Variants in FRMPD2 observed in about 807,000 individuals in gnomAD.
FRMPD2 encodes the protein FERM and PDZ domain containing 2.
FRMPD2 carries 96 observed loss-of-function variants against 140.1 expected under a neutral mutation model. The ratio of observed to expected loss-of-function variants is 0.69; its 90% confidence interval spans 0.58 to 0.81. FRMPD2 has a LOEUF of 0.81. Ranked by LOEUF, FRMPD2 falls within the 40% of genes least tolerant of loss-of-function variation. The pLI is 0.00. For missense variants in FRMPD2, 1,240 were observed against 1,447.4 expected (o/e 0.86, Z 2.32); for synonymous variants, 449 against 547.6 (o/e 0.82, Z 2.52).
chr10:48,178,660 G>A (rs1456384103), intron 21 of FRMPD2, among the ~76,000 whole-genome samples: 1 of 152,302 alleles, frequency 6.6e-6, no homozygotes, highest in East Asian at 1.9e-4. Context: ...CAGCATCTGG[G>A]TTGGGTCCTA....
At chr10:48,269,521 CG>C (rs1365783851) in intron 1 of FRMPD2, among the ~76,000 whole-genome samples, 4 of 152,158 alleles carry the variant, frequency 2.6e-5, no homozygotes, top group African/African-American at 9.7e-5. Context: ...TCCCCCTTCA[CG>C]GAGAGCATAG....
chr10:48,239,762 A>C, intron 6 of FRMPD2, 70 bp from the exon 7 acceptor site: 15 of 1,137,784 alleles, frequency 1.3e-5, no homozygotes, highest in Non-Finnish European at 2.0e-5. Context: ...CAGGCATCTC[A>C]GAGCATGAAT....
At chr10:48,240,280 A>T in intron 6 of FRMPD2, 80 bp downstream of exon 6, 1 of 1,453,112 alleles carries the variant, frequency 6.9e-7, no homozygotes. Flanking sequence ...CACAATGTGG[A>T]TGTGTAGCCC....
At chr10:48,245,151 T>C (rs1840214595) in intron 3 of FRMPD2, among the ~76,000 whole-genome samples, 1 of 152,206 alleles carries the variant, frequency 6.6e-6, no homozygotes, top group African/African-American at 2.4e-5. Flanking sequence ...GCCCCACACT[T>C]TCCCCTTTGT....
At chr10:48,272,564 G>A (rs1300184195) in intron 1 of FRMPD2, among the ~76,000 whole-genome samples, 1 of 152,200 alleles carries the variant, frequency 6.6e-6, no homozygotes, top group East Asian at 1.9e-4. Context: ...CCACCTTTGT[G>A]TTCAGCGATA....
intron 23 of FRMPD2, among the ~76,000 whole-genome samples, 176 bp downstream of exon 23, chr10:48,175,670 G>A (rs1588806154): frequency 6.6e-6 from 1 of 151,928 alleles, no homozygotes; most frequent in East Asian, 1.9e-4. Flanking sequence ...CAAATGGGCA[G>A]GGCAGGTTCT....
intron 13 of FRMPD2, among the ~76,000 whole-genome samples, chr10:48,209,345 G>A (rs74133710): frequency 0.044 from 6,755 of 152,254 alleles, 496 homozygotes; most frequent in African/African-American, 0.15. Flanking sequence ...CCTTAAACAG[G>A]TTATTCTGAG....
chr10:48,271,715 G>A (rs1056266303), intron 1 of FRMPD2, among the ~76,000 whole-genome samples: 1 of 152,212 alleles, frequency 6.6e-6, no homozygotes, highest in Non-Finnish European at 1.5e-5. Context: ...AATCAGCCTC[G>A]AAAGCAGACT....
chr10:48,249,289 G>T, intron 2 of FRMPD2, 111 bp from the exon 3 acceptor site: 1 of 963,858 alleles, frequency 1.0e-6, no homozygotes, highest in Non-Finnish European at 1.6e-6. Flanking sequence ...GACTGAATGT[G>T]AGCAAGACCC....
At chr10:48,232,015 G>T in intron 10 of FRMPD2, 100 bp downstream of exon 10, 2 of 1,093,066 alleles carry the variant, frequency 1.8e-6, no homozygotes, top group Non-Finnish European at 2.8e-6. Flanking sequence ...AGGCACCCAA[G>T]TCTCAAACAG....
intron 15 of FRMPD2, among the ~76,000 whole-genome samples, chr10:48,193,909 T>TGA (rs1838896396): frequency 6.6e-6 from 1 of 152,188 alleles, no homozygotes. Context: ...AAAGCCAGCC[T>TGA]TTTAAAAAAA....
intron 13 of FRMPD2, among the ~76,000 whole-genome samples, chr10:48,207,572 G>A (rs74133709): frequency 3.9e-5 from 6 of 152,244 alleles, no homozygotes; most frequent in African/African-American, 2.4e-5. Context: ...TTGGAGCTGG[G>A]GACTGCGTTA....
chr10:48,188,522 A>G (rs1389847169), intron 16 of FRMPD2, among the ~76,000 whole-genome samples: 2 of 152,214 alleles, frequency 1.3e-5, no homozygotes, highest in East Asian at 3.9e-4. Context: ...CACTGAGGGT[A>G]AAGGGTGGGT....
chr10:48,234,009 C>T (rs1839910721), intron 9 of FRMPD2, among the ~76,000 whole-genome samples: 2 of 152,250 alleles, frequency 1.3e-5, no homozygotes, highest in Admixed American at 6.5e-5. Flanking sequence ...AGCATCTCAC[C>T]CACCCAGCTC....
chr10:48,161,085 G>C (rs1337637368), intron 28 of FRMPD2, among the ~76,000 whole-genome samples: 1 of 151,036 alleles, frequency 6.6e-6, no homozygotes, highest in Non-Finnish European at 1.5e-5. Context: ...GGTGCGGTTG[G>C]CCATTGAGAG....
chr10:48,210,229 G>A (rs938490340), intron 13 of FRMPD2, among the ~76,000 whole-genome samples: 83 of 152,294 alleles, frequency 5.4e-4, no homozygotes, highest in African/African-American at 1.9e-3. Context: ...CTGTACCACA[G>A]GCAGGCAACA....
chr10:48,239,291 C>T (rs1487980143), intron 7 of FRMPD2, among the ~76,000 whole-genome samples: 1 of 152,180 alleles, frequency 6.6e-6, no homozygotes, highest in Non-Finnish European at 1.5e-5. Flanking sequence ...TTTGTGGTTG[C>T]TTGTTATGCA....
intron 1 of FRMPD2, among the ~76,000 whole-genome samples, chr10:48,267,779 G>A (rs1007069460): frequency 5.9e-5 from 9 of 152,156 alleles, no homozygotes; most frequent in Non-Finnish European, 1.0e-4. Context: ...ACACAATGTG[G>A]TCCATCCATA....
At chr10:48,259,635 A>AGTGT (rs144847579) in intron 1 of FRMPD2, among the ~76,000 whole-genome samples, 6,451 of 148,474 alleles carry the variant, frequency 0.043, 439 homozygotes, top group African/African-American at 0.15. Context: ...TGTGTGTGTA[A>AGTGT]GTGTGTGTGT....
Sources: allele counts gnomAD v4.1 joint callset (sites outside exome capture counted in the v4.1 genomes callset), GRCh38; gene constraint gnomAD v4.1.1; transcripts MANE v1.5; gene names NCBI Gene and HGNC (gene_info 2026-07-23, HGNC 2026-07-21).